Variants in ARHGAP21 observed in about 807,000 individuals in gnomAD.
The protein encoded by ARHGAP21 is rho GTPase-activating protein 21.
Under a neutral mutation model 164.6 loss-of-function variants are expected in ARHGAP21, and 38 were observed. The observed-to-expected ratio is 0.23, with a 90% CI of 0.18 to 0.30. The LOEUF (loss-of-function observed/expected upper bound fraction) is 0.30. Among genes scored for constraint, ARHGAP21 ranks in the 10% least tolerant of loss-of-function variants. ARHGAP21 has a pLI of 1.00. For synonymous variants in ARHGAP21, 766 were observed against 857.9 expected, an observed-to-expected ratio of 0.89 and a Z score of 1.87; for missense variants, 1,822 against 2,370.7, an observed-to-expected ratio of 0.77 and a Z score of 4.81.
At position 24,591,253 on chromosome 10, in the gene ARHGAP21, C is replaced by T; in HGVS notation, c.4122G>A (p.Arg1374=). The change falls in exon 24 of 26, where the codon AGG becomes AGA. Residue 1374 remains arginine (R), a synonymous_variant. Coordinates refer to ENST00000396432, the MANE Select transcript of ARHGAP21 (RefSeq NM_020824.4). The part of the protein sequence containing the change: ...NIDHLLTNIG[R]TGVSPGDVSD... ...ATACATCTCCTGGGGAGACTCCTGT[C>T]CTTCCAATGTTGGTGAGTAAATGAT... 8 of 1,612,428 alleles carry T rather than the reference C, an allele frequency of 5.0e-6. No individual in the cohort carries two copies. The highest frequency in any genetic ancestry group is 6.8e-6 in the Non-Finnish European group (8 of 1,179,936).
In ARHGAP21 at chr10:24,670,221, A is replaced by G; in HGVS notation, c.240T>C (p.Tyr80=). The change falls in exon 3 of 26, where the codon TAT becomes TAC. Residue 80 remains tyrosine, a synonymous_variant. Transcript: ENST00000396432. ...YPPESAIQFS[Y]KDEENGNRGG... Reference sequence around the variant, plus strand: ...TTGCGGTAACTATTTCTCTTACCTTATATGAAAATTGAATTGCAGACTCTG... The same window carrying G: ...TTGCGGTAACTATTTCTCTTACCTTGTATGAAAATTGAATTGCAGACTCTG... 2 of 1,585,570 alleles carry G rather than the reference A, an allele frequency of 1.3e-6. No homozygotes were observed. Among genetic ancestry groups the G allele is most frequent in the Non-Finnish European group, 1.7e-6 (2 of 1,165,100 alleles).
intron 2 of ARHGAP21, among the ~76,000 whole-genome samples, chr10:24,687,369 T>C (rs1842312214): frequency 6.6e-6 from 1 of 152,226 alleles, no homozygotes; most frequent in Non-Finnish European, 1.5e-5. Flanking sequence ...ATGAAATTTA[T>C]ACGAAATGAG....
intron 24 of ARHGAP21, chr10:24,590,638 A>G (rs2076287263): frequency 1.4e-6 from 2 of 1,399,118 alleles, no homozygotes; most frequent in South Asian, 1.8e-5. Flanking sequence ...AAAAGAGCCT[A>G]GAAGAACTAA....
chr10:24,596,383 C>T, intron 17 of ARHGAP21: 2 of 447,658 alleles, frequency 4.5e-6, no homozygotes, highest in South Asian at 1.0e-4. Flanking sequence ...GATACGAATC[C>T]TAGCATGGGT....
At chr10:24,596,587 A>G in intron 17 of ARHGAP21, 153 bp downstream of exon 17, 1 of 977,322 alleles carries the variant, frequency 1.0e-6, no homozygotes, top group Non-Finnish European at 1.5e-6. Flanking sequence ...AAAAAGCATT[A>G]CAGGTCAGAA....
chr10:24,610,950 A>G (rs2077230444), intron 9 of ARHGAP21, among the ~76,000 whole-genome samples: 1 of 152,246 alleles, frequency 6.6e-6, no homozygotes, highest in South Asian at 2.1e-4. Context: ...AAATGATCAA[A>G]TAAAAGCAAG....
Position 24,584,387 on chromosome 10 carries a change from T to C in ARHGAP21, c.*25A>G, listed in dbSNP as rs1419478822. 1 of 1,541,326 alleles carries C rather than the reference T, an allele frequency of 6.5e-7. No individual in the cohort carries two copies. Among genetic ancestry groups the C allele is most frequent in the East Asian group, 2.3e-5 (1 of 44,418 alleles). On this transcript the variant is annotated 3_prime_UTR_variant, in exon 26 of 26. Transcript: ENST00000396432. Reference sequence around the variant, plus strand: ...GAACGTGTAACAGTAGTTTTTTTACTTGCTAGAGTGGACATACCCCCAGTT... The same window carrying C: ...GAACGTGTAACAGTAGTTTTTTTACCTGCTAGAGTGGACATACCCCCAGTT...
At chr10:24,715,014 A>G (rs1845223864) in intron 2 of ARHGAP21, among the ~76,000 whole-genome samples, 1 of 145,802 alleles carries the variant, frequency 6.9e-6, no homozygotes, top group Non-Finnish European at 1.5e-5. Flanking sequence ...TGGGCGACAG[A>G]GTGAGAGTCC....
rs1297421460 is a variant in ARHGAP21, at chr10:24,619,486, G to A, written c.2409C>T (p.Ser803=). Residue 803 remains serine, a synonymous_variant, in exon 9 of 26, where the codon TCC becomes TCT. Transcript: ENST00000396432. ...AAATGAGCTCACCTATAAATGGGAT[G>A]GAAGCCAAAGAATCGCCAGGCGGAC... is the stretch of plus-strand genomic sequence containing the variant. ...STSPPGDSLA[S]IPFIDEPTSP... The A allele has an allele frequency of 1.9e-6, 3 of 1,613,800 alleles. No homozygotes were observed. The South Asian group carries it at 3.3e-5, about 18-fold the overall frequency.
chr10:24,682,132 G>C (rs1841825072), intron 2 of ARHGAP21, among the ~76,000 whole-genome samples: 1 of 151,486 alleles, frequency 6.6e-6, no homozygotes, highest in South Asian at 2.1e-4. Context: ...AAAAAACATA[G>C]GGGTCACTGA....
intron 2 of ARHGAP21, among the ~76,000 whole-genome samples, chr10:24,691,921 T>C (rs911231579): frequency 1.3e-5 from 2 of 152,252 alleles, no homozygotes; most frequent in African/African-American, 4.8e-5. Context: ...TCAAGTATTA[T>C]GAAGTGCATA....
At chr10:24,680,296 T>G (rs772650497) in intron 2 of ARHGAP21, among the ~76,000 whole-genome samples, 1 of 152,218 alleles carries the variant, frequency 6.6e-6, no homozygotes, top group Non-Finnish European at 1.5e-5. Flanking sequence ...ATATTTTCCT[T>G]TTCCTGTGGG....
intron 4 of ARHGAP21, among the ~76,000 whole-genome samples, chr10:24,652,221 A>C (rs1285290676): frequency 6.6e-6 from 1 of 152,240 alleles, no homozygotes; most frequent in African/African-American, 2.4e-5. Flanking sequence ...TTTATGATCA[A>C]GGTGGTATTA....
intron 25 of ARHGAP21, among the ~76,000 whole-genome samples, chr10:24,588,718 T>G (rs1243250486): frequency 1.3e-5 from 2 of 152,166 alleles, no homozygotes; most frequent in African/African-American, 4.8e-5. Context: ...CAAAAAGTTG[T>G]GTAATTGAGG....
At chr10:24,661,299 G>C (rs1039340332) in intron 4 of ARHGAP21, among the ~76,000 whole-genome samples, 54 of 151,450 alleles carry the variant, frequency 3.6e-4, no homozygotes, top group Non-Finnish European at 5.0e-4. Context: ...TCATAGTACA[G>C]AAAACTAACC....
chr10:24,705,607 G>C (rs1844150871), intron 2 of ARHGAP21, among the ~76,000 whole-genome samples: 1 of 152,162 alleles, frequency 6.6e-6, no homozygotes, highest in Non-Finnish European at 1.5e-5. Flanking sequence ...AAATGGTTGG[G>C]GCTGGGGCAA....
chr10:24,675,550 A>T (rs1841133728), intron 2 of ARHGAP21, among the ~76,000 whole-genome samples: 1 of 152,222 alleles, frequency 6.6e-6, no homozygotes, highest in Non-Finnish European at 1.5e-5. Context: ...TACAGTTTAC[A>T]CATGTACAGT....
intron 4 of ARHGAP21, among the ~76,000 whole-genome samples, chr10:24,635,593 C>T (rs1277859042): frequency 6.6e-6 from 1 of 152,182 alleles, no homozygotes; most frequent in Non-Finnish European, 1.5e-5. Flanking sequence ...GTCACCCAGG[C>T]TGGAGTGCAG....
Position 24,585,156 on chromosome 10 carries a change from G to T in ARHGAP21, c.5133C>A (p.Phe1711Leu). The T allele has an allele frequency of 1.9e-6, 3 of 1,611,370 alleles. No homozygotes were observed. The highest frequency in any genetic ancestry group is 1.1e-5 in the South Asian group (1 of 90,842). Residue 1711 changes from phenylalanine to leucine, a missense_variant, in exon 26 of 26, where the codon TTC (phenylalanine) becomes TTA (leucine). By Grantham distance (22) the Phe-to-Leu change is conservative (BLOSUM62 0). This residue lies in a region of ARHGAP21 where 117 missense variants were observed against 193.2 expected (regional missense o/e 0.61). Transcript: ENST00000396432. The part of the protein sequence containing the change: ...DTLSRKKSAR[F>L]KSDSGSLGDA... The stretch of plus-strand genomic sequence containing the variant: ...CTCCTAGACTTCCACTATCTGACTT[G>T]AATCTAGCTGATTTTTTCCTGGAAA...
Sources: gnomAD v4.1 joint callset for allele counts (sites outside exome capture counted in the v4.1 genomes callset) on GRCh38, gnomAD v4.1.1 for gene constraint, gnomAD v4.1.1 regional missense constraint, MANE v1.5 for transcripts, NCBI Gene and HGNC (gene_info 2026-07-23, HGNC 2026-07-21) for gene names.